CRACDL: variants seen among roughly 807,000 people sequenced by gnomAD.
CRACDL encodes CRACD-like protein.
CRACDL carries 26 observed loss-of-function variants against 70.6 expected under a neutral mutation model. The ratio of observed to expected loss-of-function variants is 0.37; its 90% CI spans 0.27 to 0.51. The LOEUF (loss-of-function observed/expected upper bound fraction) is 0.51, where lower values mean the gene tolerates loss of function less well. CRACDL is among the 20% of genes least tolerant of loss of function. The pLI, the probability that CRACDL is intolerant of heterozygous loss-of-function variation, is 0.94. For missense variants in CRACDL, 1,283 were observed against 1,376.9 expected, an observed-to-expected ratio of 0.93 and a Z score of 1.08; for synonymous variants, 618 against 615.2, an observed-to-expected ratio of 1.00 and a Z score of -0.07.
chr2:98,837,432 T>C (rs1482158990), intron 3 of CRACDL, among the ~76,000 whole-genome samples: 1 of 151,250 alleles, frequency 6.6e-6, no homozygotes, highest in Admixed American at 6.6e-5. Context: ...AAGAGTTCTA[T>C]CCTTAAAGGG....
chr2:98,809,113 A>G (rs1226350959), intron 7 of CRACDL, among the ~76,000 whole-genome samples: 1 of 152,180 alleles, frequency 6.6e-6, no homozygotes, highest in Admixed American at 6.5e-5. Context: ...TCAGTAATTA[A>G]AATGTGTAGC....
Position 98,833,015 on chromosome 2 carries a change from C to T in CRACDL, c.240-18G>A. ...TCGACTCCCTAGGATAAAAGAGCCA[C>T]TGTGAGACTCTGCCCACCTCCATCT... On this transcript the variant is annotated intron_variant, in intron 3 of 9. Coordinates refer to ENST00000397899, the MANE Select transcript of CRACDL (RefSeq NM_207362.3). The T allele has an allele frequency of 6.3e-7, 1 of 1,598,490 alleles. No homozygotes were observed. Among genetic ancestry groups the T allele is most frequent in the Non-Finnish European group, 8.5e-7 (1 of 1,172,194 alleles).
chr2:98,795,077 A>ATATATATATATATATTTTTTTTT, intron 9 of CRACDL, among the ~76,000 whole-genome samples: 6 of 58,490 alleles, frequency 1.0e-4, no homozygotes, highest in Admixed American at 2.2e-4. Context: ...ATATATATAT[A>ATATATATATATATATTTTTTTTT]TTTTTTTTTT....
At chr2:98,895,432 G>C (rs1341000743) in intron 1 of CRACDL, among the ~76,000 whole-genome samples, 1 of 152,166 alleles carries the variant, frequency 6.6e-6, no homozygotes, top group Admixed American at 6.5e-5. Flanking sequence ...AGACAAATAC[G>C]GTGCGTGGGA....
intron 1 of CRACDL, among the ~76,000 whole-genome samples, chr2:98,929,329 G>T (rs1464879760): frequency 6.6e-6 from 1 of 152,206 alleles, no homozygotes; most frequent in Non-Finnish European, 1.5e-5. Context: ...CCTTGGACCT[G>T]GTGTGGCCCC....
chr2:98,834,720 AAG>A (rs1705696336), intron 3 of CRACDL, among the ~76,000 whole-genome samples: 1 of 152,214 alleles, frequency 6.6e-6, no homozygotes, highest in South Asian at 2.1e-4. Flanking sequence ...ACCAAACAAA[AAG>A]AGAAATAAAA....
intron 1 of CRACDL, among the ~76,000 whole-genome samples, chr2:98,892,033 A>T (rs1378555770): frequency 6.6e-6 from 1 of 152,250 alleles, no homozygotes; most frequent in East Asian, 1.9e-4. Flanking sequence ...AAGAAGGTAG[A>T]CACTACTCAA....
At chr2:98,895,132 G>T (rs943704554) in intron 1 of CRACDL, among the ~76,000 whole-genome samples, 15 of 152,090 alleles carry the variant, frequency 9.9e-5, no homozygotes, top group Non-Finnish European at 1.5e-4. Flanking sequence ...AAATATTCCT[G>T]TTGGTGGCTG....
At chr2:98,930,972 C>T (rs1709058337) in intron 1 of CRACDL, among the ~76,000 whole-genome samples, 1 of 151,834 alleles carries the variant, frequency 6.6e-6, no homozygotes, top group South Asian at 2.1e-4. Context: ...GTGTCTACCA[C>T]CCCCCCACCC....
chr2:98,882,639 C>A (rs1477438095), intron 1 of CRACDL, among the ~76,000 whole-genome samples: 1 of 152,158 alleles, frequency 6.6e-6, no homozygotes, highest in Non-Finnish European at 1.5e-5. Context: ...TAAAACCTGT[C>A]TCTCTGGTTT....
At chr2:98,882,116 G>A (rs899725870) in intron 1 of CRACDL, among the ~76,000 whole-genome samples, 2 of 152,218 alleles carry the variant, frequency 1.3e-5, no homozygotes, top group Non-Finnish European at 2.9e-5. Context: ...AAATAAAGGA[G>A]AATGGAGGGA....
chr2:98,931,096 G>A (rs925617611), intron 1 of CRACDL, among the ~76,000 whole-genome samples: 1 of 152,096 alleles, frequency 6.6e-6, no homozygotes, highest in African/African-American at 2.4e-5. Flanking sequence ...AGGCCATGGT[G>A]GGTGGATCAC....
intron 1 of CRACDL, among the ~76,000 whole-genome samples, chr2:98,867,767 C>T (rs1355109986): frequency 1.3e-5 from 2 of 152,268 alleles, no homozygotes; most frequent in African/African-American, 4.8e-5. Context: ...ACATATGTGA[C>T]GAACAGGACA....
intron 1 of CRACDL, among the ~76,000 whole-genome samples, chr2:98,871,920 G>A (rs1707359435): frequency 6.6e-6 from 1 of 152,204 alleles, no homozygotes; most frequent in Non-Finnish European, 1.5e-5. Flanking sequence ...GAATCAACCT[G>A]AGTGTCCATC....
chr2:98,848,042 C>T (rs1022656297), intron 1 of CRACDL, among the ~76,000 whole-genome samples: 7 of 152,166 alleles, frequency 4.6e-5, no homozygotes, highest in African/African-American at 9.7e-5. Context: ...GGTCTTGTGT[C>T]GGCTCTGCCA....
intron 3 of CRACDL, among the ~76,000 whole-genome samples, chr2:98,834,418 C>T (rs1194291092): frequency 6.6e-6 from 1 of 152,178 alleles, no homozygotes; most frequent in Non-Finnish European, 1.5e-5. Context: ...CTACACGCTG[C>T]ATGCAGGCAT....
intron 1 of CRACDL, among the ~76,000 whole-genome samples, chr2:98,901,869 C>T (rs1292410960): frequency 1.3e-5 from 2 of 151,852 alleles, no homozygotes; most frequent in East Asian, 3.9e-4. Context: ...CAGCTGGCTG[C>T]ACATCAGGAT....
intron 1 of CRACDL, among the ~76,000 whole-genome samples, chr2:98,851,545 T>G (rs992046582): frequency 2.0e-5 from 3 of 152,144 alleles, no homozygotes; most frequent in African/African-American, 7.2e-5. Flanking sequence ...CACCTCCCTT[T>G]CCAACAGTGC....
At chr2:98,874,186 G>A (rs1707421616) in intron 1 of CRACDL, among the ~76,000 whole-genome samples, 1 of 152,186 alleles carries the variant, frequency 6.6e-6, no homozygotes, top group Admixed American at 6.5e-5. Flanking sequence ...CCTTTGCTGT[G>A]TGTTGTTCAG....
Sources: gnomAD v4.1 joint callset for allele counts (sites outside exome capture counted in the v4.1 genomes callset) on GRCh38, gnomAD v4.1.1 for gene constraint, MANE v1.5 for transcripts, NCBI Gene and HGNC (gene_info 2026-07-23, HGNC 2026-07-21) for gene names.